The following HCK variants were observed in gnomAD, a reference collection of about 807,000 sequenced individuals.
HCK encodes tyrosine-protein kinase HCK.
A neutral mutation model predicts 70.4 loss-of-function variants in HCK; 40 were observed. The observed-to-expected ratio is 0.57, with a 90% CI of 0.44 to 0.74. The LOEUF (loss-of-function observed/expected upper bound fraction) is 0.74. HCK is among the 30% of genes least tolerant of loss of function. HCK has a pLI of 0.00. For missense variants in HCK, 568 were observed against 697.2 expected (o/e 0.81, Z 2.09); for synonymous variants, 245 against 263.2 (o/e 0.93, Z 0.67).
chr20:32,089,985 G>T (rs189463375), intron 10 of HCK, among the ~76,000 whole-genome samples: 2 of 152,358 alleles, frequency 1.3e-5, no homozygotes, highest in Non-Finnish European at 2.9e-5. Flanking sequence ...CTGGGCCTCA[G>T]CTGGGCCTGC....
intron 1 of HCK, among the ~76,000 whole-genome samples, chr20:32,056,666 T>A (rs1465659722): frequency 6.6e-6 from 1 of 152,194 alleles, no homozygotes; most frequent in Non-Finnish European, 1.5e-5. Context: ...TTATTAGTAT[T>A]ATTATTACCA....
intron 6 of HCK, 84 bp from the exon 7 acceptor site, chr20:32,083,810 A>T: frequency 6.6e-7 from 1 of 1,510,870 alleles, no homozygotes; most frequent in East Asian, 2.3e-5. Flanking sequence ...TGCCAGCGGT[A>T]GCCTTACAGG....
chr20:32,061,791 T>A (rs1050125577), intron 1 of HCK, among the ~76,000 whole-genome samples: 8 of 151,452 alleles, frequency 5.3e-5, no homozygotes, highest in Non-Finnish European at 1.5e-5. Flanking sequence ...CAAGGGAGAG[T>A]TAGAAGGAGA....
In HCK at chr20:32,074,482, G is replaced by A; in HGVS notation, c.330-141G>A. On this transcript the variant is annotated intron_variant, in intron 4 of 12. Transcript: ENST00000375852. ...TACCCTAATCATGGCCACATGCTGG[G>A]GCTGACATAGTCACAGCCCTGTCCT... The A allele has an allele frequency of 4.5e-6, 3 of 666,066 alleles. No individual in the cohort carries two copies. In the South Asian group the frequency reaches 5.2e-5, roughly 12 times the overall value. The allele number at this position is 666,066 out of a possible 1,614,324, so 41.3% of individuals were successfully genotyped here.
chr20:32,072,850 C>A (rs1326184761), intron 2 of HCK, among the ~76,000 whole-genome samples: 1 of 152,022 alleles, frequency 6.6e-6, no homozygotes, highest in Non-Finnish European at 1.5e-5. Flanking sequence ...CCTGGCTGGG[C>A]ACAGTGGCTC....
intron 11 of HCK, among the ~76,000 whole-genome samples, chr20:32,098,404 G>A (rs1310714728): frequency 6.6e-6 from 1 of 152,126 alleles, no homozygotes; most frequent in Non-Finnish European, 1.5e-5. Context: ...GCTGAGGCAG[G>A]AGGATAGCTT....
In HCK at chr20:32,079,854, T is replaced by C; in HGVS notation, c.509T>C (p.Ile170Thr). 6.2e-7 allele frequency: 1 copy of C among 1,613,808 alleles called. No homozygotes were observed. The highest frequency in any genetic ancestry group is 8.5e-7 in the Non-Finnish European group (1 of 1,179,708). The change falls in exon 6 of 13, where the codon ATC becomes ACC. Residue 170 changes from isoleucine to threonine, a missense_variant. Coordinates refer to ENST00000375852, the MANE Select transcript of HCK (RefSeq NM_002110.5). ...GGCAACATGCTGGGCTCCTTCATGA[T>C]CCGGGATAGCGAGACCACTAAAGGT...
chr20:32,076,216 C>G (rs2045623270), intron 5 of HCK, among the ~76,000 whole-genome samples: 1 of 152,106 alleles, frequency 6.6e-6, no homozygotes, highest in Admixed American at 6.6e-5. Context: ...GTCCCAGCTA[C>G]TCGGGAGGCT....
intron 1 of HCK, chr20:32,069,557 A>G (rs2045507648): frequency 2.7e-6 from 1 of 371,148 alleles, no homozygotes; most frequent in African/African-American, 2.1e-5. Context: ...TTTATCTCAA[A>G]GAGAGATGCT....
At chr20:32,058,530 C>CAA (rs11472244) in intron 1 of HCK, among the ~76,000 whole-genome samples, 36,786 of 130,328 alleles carry the variant, frequency 0.28, 6,096 homozygotes, top group Non-Finnish European at 0.36. Flanking sequence ...AAGACTCTGT[C>CAA]AAAAAAAAAA....
intron 1 of HCK, among the ~76,000 whole-genome samples, chr20:32,061,503 G>T (rs891502337): frequency 6.6e-6 from 1 of 152,164 alleles, no homozygotes; most frequent in Non-Finnish European, 1.5e-5. Context: ...TCTGAGAGGT[G>T]CATCCTCATG....
chr20:32,061,954 T>G (rs2045384625), intron 1 of HCK, among the ~76,000 whole-genome samples: 1 of 149,834 alleles, frequency 6.7e-6, no homozygotes, highest in Admixed American at 6.7e-5. Context: ...TTTTTTTTTT[T>G]TTTGAGACGG....
chr20:32,087,843 C>T (rs1041923053), intron 9 of HCK, among the ~76,000 whole-genome samples: 4 of 152,056 alleles, frequency 2.6e-5, no homozygotes, highest in African/African-American at 9.7e-5. Context: ...GGTGTTTCAC[C>T]GTGTTAGCCA....
At chr20:32,071,617 G>T in intron 1 of HCK, 45 bp from the exon 2 acceptor site, 1 of 1,603,664 alleles carries the variant, frequency 6.2e-7, no homozygotes, top group South Asian at 1.1e-5. Flanking sequence ...TTCCCCGCAT[G>T]AGGCTCTTGG....
intron 1 of HCK, among the ~76,000 whole-genome samples, chr20:32,068,365 T>A (rs2045490326): frequency 6.7e-6 from 1 of 148,616 alleles, no homozygotes; most frequent in East Asian, 2.0e-4. Flanking sequence ...AAAAGGAAAA[T>A]AAAAATAAAG....
At chr20:32,072,063 C>T (rs1600718701) in intron 2 of HCK, 1 of 434,776 alleles carries the variant, frequency 2.3e-6, no homozygotes, top group East Asian at 3.7e-5. Flanking sequence ...CCGGCCTGGG[C>T]AGAAGCAAAA....
chr20:32,061,989 G>T (rs958217376), intron 1 of HCK, among the ~76,000 whole-genome samples: 21 of 149,054 alleles, frequency 1.4e-4, no homozygotes, highest in African/African-American at 5.2e-4. Context: ...GCCCAGGCTG[G>T]ACTGCAGTGG....
chr20:32,069,515 G>A (rs1250024278), intron 1 of HCK, among the ~76,000 whole-genome samples: 3 of 152,176 alleles, frequency 2.0e-5, no homozygotes, highest in Non-Finnish European at 4.4e-5. Context: ...CACACAAGAT[G>A]CCCGTTTAAT....
chr20:32,060,164 A>G (rs1600706010), intron 1 of HCK, among the ~76,000 whole-genome samples: 1 of 152,080 alleles, frequency 6.6e-6, no homozygotes, highest in East Asian at 1.9e-4. Flanking sequence ...AAGCGAGCAA[A>G]TGTGCATCAC....
Sources: allele counts gnomAD v4.1 joint callset (sites outside exome capture counted in the v4.1 genomes callset), GRCh38; gene constraint gnomAD v4.1.1; transcripts MANE v1.5; gene names NCBI Gene and HGNC (gene_info 2026-07-23, HGNC 2026-07-21).